The following UGT2B11 variants were observed in gnomAD, a reference collection of about 807,000 sequenced individuals.
UGT2B11 encodes the protein UDP glucuronosyltransferase family 2 member B11.
In UGT2B11, 49 loss-of-function variants were observed where a neutral mutation model predicts 51.7. The ratio of observed to expected loss-of-function variants is 0.95; its 90% confidence interval spans 0.75 to 1.20. The LOEUF is 1.20. UGT2B11 is among the 50% of genes most tolerant of loss of function. The probability of loss-of-function intolerance (pLI) is 0.00; values close to 1 mark genes in which losing one functional copy is unlikely to be tolerated. For missense variants in UGT2B11, 810 were observed against 622.1 expected, an observed-to-expected ratio of 1.30 and a Z score of -3.21; for synonymous variants, 273 against 209.0, an observed-to-expected ratio of 1.31 and a Z score of -2.64.
intron 4 of UGT2B11, 91 bp downstream of exon 4, chr4:69,205,389 T>C (rs1415972632): frequency 6.6e-7 from 1 of 1,506,362 alleles, no homozygotes; most frequent in Non-Finnish European, 9.0e-7. Flanking sequence ...TCTTTTTTGT[T>C]TTCCTATAAC....
chr4:69,204,298 G>A (rs1721767338), intron 5 of UGT2B11, 132 bp downstream of exon 5: 1 of 1,366,896 alleles, frequency 7.3e-7, no homozygotes, highest in African/African-American at 1.5e-5. Flanking sequence ...AAACAAAGCA[G>A]ATTTCAGATT....
At chr4:69,211,975 T>A (rs1722082258) in intron 2 of UGT2B11, among the ~76,000 whole-genome samples, 1 of 151,482 alleles carries the variant, frequency 6.6e-6, no homozygotes, top group South Asian at 2.1e-4. Flanking sequence ...TTGAGAACTG[T>A]CCTGACCACT....
At chr4:69,209,557 A>AT (rs1371843061) in intron 2 of UGT2B11, among the ~76,000 whole-genome samples, 8 of 151,472 alleles carry the variant, frequency 5.3e-5, no homozygotes, top group Admixed American at 2.6e-4. Flanking sequence ...ACTTTTCCAA[A>AT]TGGTTTTTAA....
intron 1 of UGT2B11, among the ~76,000 whole-genome samples, chr4:69,213,735 T>C (rs921299185): frequency 9.5e-4 from 145 of 152,002 alleles, no homozygotes; most frequent in African/African-American, 3.4e-3. Context: ...AACAGATGTG[T>C]AATTGCTTAA....
intron 1 of UGT2B11, among the ~76,000 whole-genome samples, chr4:69,213,176 C>T (rs1004359895): frequency 6.6e-6 from 1 of 151,504 alleles, no homozygotes; most frequent in African/African-American, 2.4e-5. Context: ...GAACTCTGTA[C>T]TATTTTGAGT....
Position 69,200,990 on chromosome 4 carries a change from G to T in UGT2B11, c.1311-271C>A, listed in dbSNP as rs558476490. ...AGAGAAAATATAAGGCATTTTAACT[G>T]GCTTTTAATTGTTTAATGTTAAGTT... On this transcript the variant is annotated intron_variant, in intron 5 of 5. Transcript: ENST00000446444. Among the ~76,000 whole-genome samples the T allele has an allele frequency of 7.2e-3, 1,078 of 149,276 alleles. 4 individuals carry two copies. Among genetic ancestry groups the T allele is most frequent in the Non-Finnish European group, 0.012 (794 of 67,148 alleles).
chr4:69,201,700 C>A (rs1385422992), intron 5 of UGT2B11, among the ~76,000 whole-genome samples: 1 of 151,744 alleles, frequency 6.6e-6, no homozygotes, highest in Non-Finnish European at 1.5e-5. Flanking sequence ...CTAAGAGAGG[C>A]TTTTACTGGA....
chr4:69,214,364 T>C lies in UGT2B11; in HGVS notation c.359A>G (p.Tyr120Cys), dbSNP rs775775841. Reference protein sequence around the residue: ...SQEQEILWELYDIFRNFCKDV... With the variant: ...SQEQEILWELCDIFRNFCKDV... ...TTTACAGAAGTTTCTAAATATGTCA[T>C]ATAATTCCCACAGGATTTCTTGTTC... is the stretch of plus-strand genomic sequence containing the variant. Residue 120 changes from tyrosine to cysteine, a missense_variant, in exon 1 of 6, where the codon TAT (tyrosine) becomes TGT (cysteine). Transcript: ENST00000446444. 1.7e-5 allele frequency: 27 copies of C among 1,612,684 alleles called. No individual in the cohort carries two copies. The highest frequency in any genetic ancestry group is 2.7e-5 in the African/African-American group (2 of 74,878).
At position 69,205,540 on chromosome 4, in the gene UGT2B11, G is replaced by A. The variant is rs201637982; in HGVS notation, c.1030C>T (p.Pro344Ser). The A allele has an allele frequency of 1.2e-6, 2 of 1,610,248 alleles. No homozygotes were observed. Among genetic ancestry groups the A allele is most frequent in the Admixed American group, 1.7e-5 (1 of 59,742 alleles). The change falls in exon 4 of 6, where the codon CCA becomes TCA. Residue 344 changes from proline (P) to serine (S), a missense_variant. Physicochemically the swap from Pro to Ser is moderately conservative, Grantham distance 74. Transcript: ENST00000446444. Reference protein sequence around the residue: ...KVLWRFDGNKPDALGLNTRLY... With the variant: ...KVLWRFDGNKSDALGLNTRLY... ...CGAGTATTGAGACCTAAGGCATCTG[G>A]TTTATTCCCGTCAAATCTCCACAGA...
the UGT2B11 span, among the ~76,000 whole-genome samples, chr4:69,221,508 C>T: frequency 1.3e-5 from 2 of 152,218 alleles, no homozygotes; most frequent in African/African-American, 4.8e-5. Flanking sequence ...TAGGGGACAA[C>T]AAATGGGTAA....
rs144410864 is a variant in UGT2B11, at chr4:69,214,355, A to G, written c.368T>C (p.Phe123Ser). ...QEILWELYDI[F>S]RNFCKDVVSN... ...AACTACATCTTTACAGAAGTTTCTA[A>G]ATATGTCATATAATTCCCACAGGAT... is the stretch of plus-strand genomic sequence containing the variant. Residue 123 changes from phenylalanine to serine, a missense_variant, in exon 1 of 6, where the codon TTT becomes TCT. Transcript: ENST00000446444. 1,240 of 1,612,520 alleles carry G rather than the reference A, an allele frequency of 7.7e-4. 2 individuals are homozygous for G. Among genetic ancestry groups the G allele is most frequent in the Non-Finnish European group, 1.0e-3 (1,196 of 1,179,370 alleles).
upstream of UGT2B11, among the ~76,000 whole-genome samples, chr4:69,218,469 T>TG (rs1320861965): frequency 1.3e-5 from 2 of 152,110 alleles, no homozygotes; most frequent in Non-Finnish European, 2.9e-5. Flanking sequence ...TGTATCAATA[T>TG]GGGAAAAGTA....
At chr4:69,216,477 C>T (rs1171877395), upstream of UGT2B11, 5 of 151,656 alleles carry the variant, frequency 3.3e-5, no homozygotes, top group African/African-American at 1.2e-4. Context: ...AGGTGACAAG[C>T]ACAGTTACCT....
At chr4:69,218,074 C>A (rs1324646495), upstream of UGT2B11, among the ~76,000 whole-genome samples, 1 of 152,164 alleles carries the variant, frequency 6.6e-6, no homozygotes, top group Non-Finnish European at 1.5e-5. Flanking sequence ...AGCACTCAAA[C>A]ATTCAAACCA....
At chr4:69,222,568 A>G in the UGT2B11 span, among the ~76,000 whole-genome samples, 1 of 152,208 alleles carries the variant, frequency 6.6e-6, no homozygotes, top group Non-Finnish European at 1.5e-5. Context: ...TCAATCATTT[A>G]GCTGGCTAAA....
chr4:69,205,595 C>A, intron 3 of UGT2B11, 28 bp from the exon 4 acceptor site: 3 of 1,602,964 alleles, frequency 1.9e-6, no homozygotes, highest in Non-Finnish European at 2.6e-6. Context: ...ATATCTTATT[C>A]CATGAGTGGA....
At chr4:69,203,115 G>T (rs1176531191) in intron 5 of UGT2B11, among the ~76,000 whole-genome samples, 2 of 151,592 alleles carry the variant, frequency 1.3e-5, no homozygotes, top group African/African-American at 2.4e-5. Context: ...TATTTAAAAA[G>T]TATATATCTG....
chr4:69,207,273 C>T (rs1721894489), intron 3 of UGT2B11, among the ~76,000 whole-genome samples: 1 of 151,546 alleles, frequency 6.6e-6, no homozygotes. Context: ...TTTTGAAACT[C>T]CAAAGCAATC....
At chr4:69,202,844 C>T (rs527370601) in intron 5 of UGT2B11, among the ~76,000 whole-genome samples, 6 of 151,476 alleles carry the variant, frequency 4.0e-5, no homozygotes, top group African/African-American at 1.5e-4. Context: ...ATTGATCATT[C>T]GTTATCCTTC....
Sources: gnomAD v4.1 joint callset for allele counts (sites outside exome capture counted in the v4.1 genomes callset) on GRCh38, gnomAD v4.1.1 for gene constraint, MANE v1.5 for transcripts, NCBI Gene and HGNC (gene_info 2026-07-23, HGNC 2026-07-21) for gene names.